ASXL1: variants seen among roughly 807,000 people sequenced by gnomAD.
The protein encoded by ASXL1 is polycomb group protein ASXL1.
ASXL1 carries 65 observed loss-of-function variants against 89.1 expected under a neutral mutation model. That is an observed-to-expected ratio of 0.73 (90% confidence interval 0.60 to 0.90). The LOEUF (loss-of-function observed/expected upper bound fraction) is 0.90. Ranked by LOEUF, ASXL1 falls within the 40% of genes least tolerant of loss-of-function variation. The pLI, the probability that ASXL1 is intolerant of heterozygous loss-of-function variation, is 0.00. For synonymous variants in ASXL1, 739 were observed against 746.9 expected, an observed-to-expected ratio of 0.99 and a Z score of 0.17; for missense variants, 1,786 against 1,942.9, an observed-to-expected ratio of 0.92 and a Z score of 1.52.
rs2012076271 is a variant in ASXL1 at position 32,439,020 on chromosome 20, T to C, written c.*1682T>C. 4.3e-6 allele frequency: 1 copy of C among 233,608 alleles called. No individual in the cohort carries two copies. The highest frequency in any genetic ancestry group is 8.5e-6 in the Non-Finnish European group (1 of 118,044). The allele number at this position is 233,608 out of a possible 1,614,324, so 14.5% of individuals were successfully genotyped here. Reference sequence around the variant, plus strand: ...AGTCTCATTTTATCTGAAAGGTTTTTTTCTCATTTAATCTGATGTGGCATT... The same window carrying C: ...AGTCTCATTTTATCTGAAAGGTTTTCTTCTCATTTAATCTGATGTGGCATT... On this transcript the variant is annotated 3_prime_UTR_variant, in exon 13 of 13. Coordinates refer to ENST00000375687, the MANE Select transcript of ASXL1 (RefSeq NM_015338.6).
At chr20:32,403,087 A>G (rs533593186) in intron 4 of ASXL1, among the ~76,000 whole-genome samples, 4 of 152,226 alleles carry the variant, frequency 2.6e-5, no homozygotes, top group Admixed American at 6.5e-5. Flanking sequence ...GCATAAGGTT[A>G]CATCAATGTT....
chr20:32,402,425 G>T (rs1356807256), intron 4 of ASXL1, among the ~76,000 whole-genome samples: 2 of 152,210 alleles, frequency 1.3e-5, no homozygotes, highest in Admixed American at 1.3e-4. Context: ...ACATTTGCAT[G>T]CAGATTTTAG....
Position 32,434,563 on chromosome 20 carries a change from T to TA in ASXL1, c.1854dup (p.Ala619SerfsTer16). ...CTGGCGCCAGGACCCTCGCAGACATTAAAGCCCGTGCTCTGCAGGTCCGAG... is the reference window on the plus strand; with the variant it reads ...CTGGCGCCAGGACCCTCGCAGACATTAAAAGCCCGTGCTCTGCAGGTCCGAG... On this transcript the variant is annotated frameshift_variant, in exon 13 of 13. Coordinates refer to ENST00000375687, the MANE Select transcript of ASXL1 (RefSeq NM_015338.6). LOFTEE classifies it low-confidence loss of function (END_TRUNC). 1 of 1,613,432 alleles carries TA rather than the reference T, an allele frequency of 6.2e-7. No individual in the cohort carries two copies. Among genetic ancestry groups the TA allele is most frequent in the Non-Finnish European group, 8.5e-7 (1 of 1,179,988 alleles).
At chr20:32,359,612 TGAG>T (rs1367508722) in intron 1 of ASXL1, 3 of 698,042 alleles carry the variant, frequency 4.3e-6, no homozygotes, top group African/African-American at 3.5e-5. Context: ...ATTGGTATTT[TGAG>T]GAGAACTGAA....
intron 4 of ASXL1, among the ~76,000 whole-genome samples, chr20:32,393,020 C>T (rs1402166787): frequency 1.4e-5 from 2 of 143,120 alleles, no homozygotes; most frequent in African/African-American, 2.5e-5. Context: ...GTATTCTTAC[C>T]GATTTCCTAT....
chr20:32,433,030 G>T, intron 11 of ASXL1, 45 bp downstream of exon 11: 1 of 1,607,674 alleles, frequency 6.2e-7, no homozygotes, highest in Non-Finnish European at 8.5e-7. Context: ...GTTTTGAGGG[G>T]ATAGAGGTAG....
chr20:32,384,207 T>G (rs1349153153), intron 4 of ASXL1, among the ~76,000 whole-genome samples: 1 of 138,408 alleles, frequency 7.2e-6, no homozygotes, highest in African/African-American at 2.9e-5. Flanking sequence ...TGTTTTTTTT[T>G]TTTTTTTTTT....
chr20:32,371,684 T>C (rs1369588036), intron 4 of ASXL1: 3 of 395,322 alleles, frequency 7.6e-6, no homozygotes, highest in Non-Finnish European at 1.5e-5. Context: ...TAGCTCACCG[T>C]AGCCTTGAAC....
Position 32,428,431 on chromosome 20 carries a change from G to A in ASXL1, c.471+9G>A, listed in dbSNP as rs1279950714. 1 of 1,601,324 alleles carries A rather than the reference G, an allele frequency of 6.2e-7. No homozygotes were observed. The highest frequency in any genetic ancestry group is 1.7e-5 in the Admixed American group (1 of 60,002). ...ACAGAGCTTCCTCACAGGTAAGGAA[G>A]AGGTAGAGCCTAGCCTGGGAGGATG... On this transcript the variant is annotated intron_variant, in intron 6 of 12. Transcript: ENST00000375687.
chr20:32,428,652 CTTTTT>C (rs35966674), intron 6 of ASXL1: 1,159 of 146,894 alleles, frequency 7.9e-3, no homozygotes, highest in East Asian at 0.019. Context: ...TTTGTTCATT[CTTTTT>C]TTTTTTTTTT....
intron 4 of ASXL1, among the ~76,000 whole-genome samples, chr20:32,398,088 T>C (rs1445007330): frequency 6.6e-6 from 1 of 152,248 alleles, no homozygotes; most frequent in Non-Finnish European, 1.5e-5. Context: ...TTATGTATCC[T>C]TTTGGGTGTG....
At chr20:32,424,911 A>G (rs1313213571) in intron 4 of ASXL1, among the ~76,000 whole-genome samples, 1 of 152,186 alleles carries the variant, frequency 6.6e-6, no homozygotes, top group Non-Finnish European at 1.5e-5. Flanking sequence ...CACGACATCA[A>G]ATATGGCCAG....
chr20:32,428,124 A>G lies in ASXL1; in HGVS notation c.253-4A>G. The G allele has an allele frequency of 6.2e-7, 1 of 1,613,122 alleles. No individual in the cohort carries two copies. The highest frequency in any genetic ancestry group is 1.7e-5 in the Admixed American group (1 of 60,016). ...TTCACCTGAGTTGTACCTTGCTGTC[A>G]CAGAAGGATGCCCTGCAGTGGTCTC... is the stretch of plus-strand genomic sequence containing the variant. On this transcript the variant is annotated splice_region_variant and splice_polypyrimidine_tract_variant and intron_variant, in intron 4 of 12. Transcript: ENST00000375687.
At chr20:32,359,888 C>T in intron 1 of ASXL1, 1 of 714,972 alleles carries the variant, frequency 1.4e-6, no homozygotes, top group Non-Finnish European at 2.6e-6. Context: ...ACAGGTTATA[C>T]TAAGATGTCA....
At chr20:32,408,339 T>C (rs2048989812) in intron 4 of ASXL1, among the ~76,000 whole-genome samples, 1 of 152,192 alleles carries the variant, frequency 6.6e-6, no homozygotes, top group Non-Finnish European at 1.5e-5. Flanking sequence ...CCCTCTTTAT[T>C]GAATAGCTTT....
chr20:32,401,252 A>G (rs2048866667), intron 4 of ASXL1, among the ~76,000 whole-genome samples: 1 of 152,200 alleles, frequency 6.6e-6, no homozygotes, highest in South Asian at 2.1e-4. Context: ...TCGTGTAATT[A>G]TCACTAGTCA....
intron 4 of ASXL1, among the ~76,000 whole-genome samples, chr20:32,380,286 T>TA (rs2048465537): frequency 6.6e-6 from 1 of 151,632 alleles, no homozygotes; most frequent in South Asian, 2.1e-4. Flanking sequence ...GTCCCTCCCA[T>TA]AAAAAAAAGA....
chr20:32,398,702 C>T lies in ASXL1; in HGVS notation c.253-29426C>T, dbSNP rs1445522150. The stretch of plus-strand genomic sequence containing the variant: ...TCGGCTCACTGCAAGCTCCACCTGC[C>T]GGGTTCACGCCATTCTCCTGCCTCA... On this transcript the variant is annotated intron_variant, in intron 4 of 12. Coordinates refer to ENST00000375687, the MANE Select transcript of ASXL1 (RefSeq NM_015338.6). 6.0e-5 allele frequency among the ~76,000 whole-genome samples: 9 copies of T among 149,520 alleles called. No individual in the cohort carries two copies. The East Asian group carries it at 1.4e-3, about 23-fold the overall frequency.
intron 4 of ASXL1, among the ~76,000 whole-genome samples, chr20:32,396,501 A>G (rs2048764072): frequency 6.6e-6 from 1 of 152,034 alleles, no homozygotes; most frequent in African/African-American, 2.4e-5. Flanking sequence ...TTCCCTCTTT[A>G]TTTATTCTTA....
Sources: allele counts gnomAD v4.1 joint callset (sites outside exome capture counted in the v4.1 genomes callset), GRCh38; gene constraint gnomAD v4.1.1; transcripts MANE v1.5; gene names NCBI Gene and HGNC (gene_info 2026-07-23, HGNC 2026-07-21).